The following LRFN5 variants were observed in gnomAD, a reference collection of about 807,000 sequenced individuals.
LRFN5 encodes leucine rich repeat and fibronectin type III domain containing 5.
Under a neutral mutation model 45.6 loss-of-function variants are expected in LRFN5, and 24 were observed. The observed-to-expected ratio is 0.53, with a 90% confidence interval of 0.38 to 0.74. LRFN5 has a LOEUF of 0.74. LRFN5 is among the 30% of genes least tolerant of loss of function. LRFN5 has a pLI of 0.00. For missense variants in LRFN5, 776 were observed against 861.5 expected (o/e 0.90, Z 1.24); for synonymous variants, 340 against 313.8 (o/e 1.08, Z -0.88).
chr14:41,639,004 G>A (rs1311287556), intron 1 of LRFN5, among the ~76,000 whole-genome samples: 2 of 151,916 alleles, frequency 1.3e-5, no homozygotes, highest in Admixed American at 6.6e-5. Context: ...GAAAAGGTTG[G>A]TGTCATTATA....
chr14:41,838,143 G>A (rs1012957061), intron 2 of LRFN5, among the ~76,000 whole-genome samples: 22 of 152,210 alleles, frequency 1.4e-4, no homozygotes, highest in Middle Eastern at 6.8e-3. Context: ...ACAAAAACAC[G>A]GATATGCACT....
chr14:41,896,412 A>C (rs1397564759), intron 4 of LRFN5, among the ~76,000 whole-genome samples: 1 of 152,308 alleles, frequency 6.6e-6, no homozygotes, highest in South Asian at 2.1e-4. Context: ...GTGATTAACA[A>C]TGTATGCTTC....
chr14:41,675,021 C>T (rs190917056), intron 1 of LRFN5, among the ~76,000 whole-genome samples: 1 of 151,706 alleles, frequency 6.6e-6, no homozygotes, highest in South Asian at 2.1e-4. Context: ...CGGGCAGAGA[C>T]GCTCCTCACT....
At position 41,671,862 on chromosome 14, in the gene LRFN5, C is replaced by T. The variant is rs543934665; in HGVS notation, c.-197+63300C>T. Among the ~76,000 whole-genome samples the T allele has an allele frequency of 1.0e-3, 159 of 152,214 alleles. 2 individuals carry two copies. The highest frequency in any genetic ancestry group is 2.6e-4 in the Non-Finnish European group (18 of 68,006). ...TGAACTCCTGACCTCAGGTTATCCG[C>T]CCGCCTTGGCCTCCCACAGTGCTGA... On this transcript the variant is annotated intron_variant, in intron 1 of 5. Coordinates refer to ENST00000298119, the MANE Select transcript of LRFN5 (RefSeq NM_152447.5).
intron 2 of LRFN5, among the ~76,000 whole-genome samples, chr14:41,794,638 A>G (rs1887054080): frequency 6.6e-6 from 1 of 152,070 alleles, no homozygotes; most frequent in African/African-American, 2.4e-5. Flanking sequence ...GGGTACTGAC[A>G]TCAATAAGTG....
intron 2 of LRFN5, among the ~76,000 whole-genome samples, chr14:41,866,183 T>C (rs939080172): frequency 6.6e-6 from 1 of 152,150 alleles, no homozygotes; most frequent in Non-Finnish European, 1.5e-5. Flanking sequence ...GGGTTAGATA[T>C]TACATTTGGA....
chr14:41,753,169 C>A (rs1390058305), intron 1 of LRFN5, among the ~76,000 whole-genome samples: 8 of 151,192 alleles, frequency 5.3e-5, no homozygotes, highest in Non-Finnish European at 7.4e-5. Flanking sequence ...GTTACTGTAG[C>A]CTTGTAGTAT....
chr14:41,875,000 C>A (rs763246510), intron 2 of LRFN5, among the ~76,000 whole-genome samples: 2 of 152,180 alleles, frequency 1.3e-5, no homozygotes, highest in Non-Finnish European at 2.9e-5. Flanking sequence ...TACCCCCCCA[C>A]CAACTGGGTC....
intron 1 of LRFN5, among the ~76,000 whole-genome samples, chr14:41,627,078 A>T (rs576331886): frequency 4.6e-5 from 7 of 152,284 alleles, no homozygotes; most frequent in African/African-American, 1.4e-4. Context: ...TAGTTTTCAC[A>T]TTTAACTTTC....
chr14:41,655,593 C>G (rs1045178123), intron 1 of LRFN5, among the ~76,000 whole-genome samples: 5 of 151,964 alleles, frequency 3.3e-5, no homozygotes, highest in Non-Finnish European at 7.4e-5. Context: ...GTGACACCAT[C>G]TGACATGGTT....
intron 2 of LRFN5, among the ~76,000 whole-genome samples, chr14:41,835,955 A>G (rs1238025813): frequency 1.3e-5 from 2 of 151,806 alleles, no homozygotes; most frequent in Non-Finnish European, 2.9e-5. Context: ...ACCTTTGAAA[A>G]TGTGGCTTTC....
At chr14:41,845,174 C>T (rs553102427) in intron 2 of LRFN5, among the ~76,000 whole-genome samples, 33 of 151,862 alleles carry the variant, frequency 2.2e-4, no homozygotes, top group South Asian at 6.2e-4. Context: ...AATCCAGTTA[C>T]GGTTTAGCTA....
chr14:41,670,005 T>C (rs541594717), intron 1 of LRFN5, among the ~76,000 whole-genome samples: 1 of 149,792 alleles, frequency 6.7e-6, no homozygotes, highest in African/African-American at 2.4e-5. Flanking sequence ...GTTAAAAAAA[T>C]TTGCTATGCA....
At chr14:41,702,026 A>G (rs1203127647) in intron 1 of LRFN5, among the ~76,000 whole-genome samples, 2 of 152,138 alleles carry the variant, frequency 1.3e-5, no homozygotes, top group South Asian at 2.1e-4. Context: ...AGCAGTAGCA[A>G]TATTAGAAAT....
intron 2 of LRFN5, among the ~76,000 whole-genome samples, chr14:41,838,142 C>T (rs532052130): frequency 3.9e-5 from 6 of 152,246 alleles, no homozygotes; most frequent in Admixed American, 1.3e-4. Context: ...TACAAAAACA[C>T]GGATATGCAC....
At chr14:41,646,381 C>T (rs33947924) in intron 1 of LRFN5, among the ~76,000 whole-genome samples, 33,449 of 152,016 alleles carry the variant, frequency 0.22, 4,044 homozygotes, top group East Asian at 0.49. Flanking sequence ...AATTTCAGCT[C>T]CTGGTACTAT....
At chr14:41,734,316 TTATA>T (rs60855395) in intron 1 of LRFN5, among the ~76,000 whole-genome samples, 5,251 of 38,768 alleles carry the variant, frequency 0.14, 947 homozygotes, top group African/African-American at 0.25. Flanking sequence ...TGGACTGGTT[TTATA>T]TATATATATA....
At chr14:41,857,945 G>T (rs570308770) in intron 2 of LRFN5, among the ~76,000 whole-genome samples, 2 of 152,284 alleles carry the variant, frequency 1.3e-5, no homozygotes, top group African/African-American at 4.8e-5. Flanking sequence ...GATTAAGCAG[G>T]CCAGGGTGAA....
chr14:41,641,492 A>G (rs552013704), intron 1 of LRFN5, among the ~76,000 whole-genome samples: 1 of 152,224 alleles, frequency 6.6e-6, no homozygotes, highest in African/African-American at 2.4e-5. Flanking sequence ...TTGAAACACC[A>G]TACTATAGTA....
Sources: gnomAD v4.1 joint callset for allele counts (sites outside exome capture counted in the v4.1 genomes callset) on GRCh38, gnomAD v4.1.1 for gene constraint, MANE v1.5 for transcripts, NCBI Gene and HGNC (gene_info 2026-07-23, HGNC 2026-07-21) for gene names.